ZNF468: variants seen among roughly 807,000 people sequenced by gnomAD.
ZNF468 encodes zinc finger protein 468.
Under a neutral mutation model 7.2 loss-of-function variants are expected in ZNF468, and 8 were observed. The observed-to-expected ratio is 1.11, with a 90% CI of 0.65 to 2.01. The LOEUF is 2.01. ZNF468 is among the 30% of genes most tolerant of loss of function. The pLI is 0.00. For synonymous variants in ZNF468, 218 were observed against 214.4 expected, an observed-to-expected ratio of 1.02 and a Z score of -0.15; for missense variants, 608 against 626.5, an observed-to-expected ratio of 0.97 and a Z score of 0.31.
chr19:52,842,842 GAC>G lies in ZNF468; in HGVS notation c.143-693_143-692del, dbSNP rs2063316107. ...AAAAAAAAAAAAAAAAAAAAAAAAA[GAC>G]ATGGCATGGTGGCTTGTGACTCTAA... On this transcript the variant is annotated intron_variant, in intron 3 of 3. Coordinates refer to ENST00000595646, the MANE Select transcript of ZNF468 (RefSeq NM_001008801.2). Among the ~76,000 whole-genome samples, 62 of 39,820 alleles carry G rather than the reference GAC, an allele frequency of 1.6e-3. 2 individuals are homozygous for G. The highest frequency in any genetic ancestry group is 2.2e-3 in the African/African-American group (22 of 10,156). The allele number at this position is 39,820 out of a possible 152,430, so 26.1% of individuals were successfully genotyped here. A position where few individuals can be genotyped will look rare whatever the true frequency, so the allele number is the denominator to read the frequency against.
chr19:52,849,936 T>G (rs1274042187), intron 2 of ZNF468, among the ~76,000 whole-genome samples: 1 of 144,438 alleles, frequency 6.9e-6, no homozygotes, highest in East Asian at 2.0e-4. Flanking sequence ...ACAAAATTAC[T>G]CAAAGTACAA....
At position 52,841,452 on chromosome 19, in the gene ZNF468, C is replaced by T; in HGVS notation, c.842G>A (p.Gly281Asp). Reference protein sequence around the residue: ...YKCNECGKTFGHNSSLFIHKA... With the variant: ...YKCNECGKTFDHNSSLFIHKA... ...GTGAATGAAGAGGGATGAATTATGACCAAAGGTCTTGCCACACTCATTACA... is the reference window on the plus strand; with the variant it reads ...GTGAATGAAGAGGGATGAATTATGATCAAAGGTCTTGCCACACTCATTACA... Residue 281 changes from glycine to aspartate, a missense_variant, in exon 4 of 4, where the codon GGT becomes GAT. Gly to Asp is a moderately conservative substitution (Grantham distance 94). Coordinates refer to ENST00000595646, the MANE Select transcript of ZNF468 (RefSeq NM_001008801.2). The T allele has an allele frequency of 1.2e-6, 2 of 1,613,958 alleles. No individual in the cohort carries two copies. The highest frequency in any genetic ancestry group is 1.7e-6 in the Non-Finnish European group (2 of 1,179,952).
chr19:52,840,016 T>G lies in ZNF468; in HGVS notation c.*709A>C. 7.6e-7 allele frequency: 1 copy of G among 1,316,214 alleles called. No homozygotes were observed. Among genetic ancestry groups the G allele is most frequent in the East Asian group, 3.4e-5 (1 of 29,424 alleles). The allele number at this position is 1,316,214 out of a possible 1,614,324, so 81.5% of individuals were successfully genotyped here. ...AAGTGGTGACTGCCCACTAAAGGGT[T>G]TGCCACACTCATTGCACTTGTAAGG... On this transcript the variant is annotated 3_prime_UTR_variant, in exon 4 of 4. Coordinates refer to ENST00000595646, the MANE Select transcript of ZNF468 (RefSeq NM_001008801.2).
At chr19:52,855,888 G>C (rs1216041891) in intron 1 of ZNF468, among the ~76,000 whole-genome samples, 1 of 152,266 alleles carries the variant, frequency 6.6e-6, no homozygotes, top group African/African-American at 2.4e-5. Flanking sequence ...CTGGGGCTCA[G>C]AGCTGGAAAC....
At chr19:52,854,125 G>A (rs753449302) in intron 2 of ZNF468, 133 bp downstream of exon 2, 1 of 1,584,786 alleles carries the variant, frequency 6.3e-7, no homozygotes, top group Non-Finnish European at 8.6e-7. Flanking sequence ...AGATGAGAGG[G>A]ACTGAAGGAA....
At position 52,839,409 on chromosome 19, in the gene ZNF468, C is replaced by G. The variant is rs2063275883; in HGVS notation, c.*1316G>C. ...GAGCCATGGCCCCCAGTGCAATCCTCTTAACATAAACAGTTTAATGGCAAT... is the reference window on the plus strand; with the variant it reads ...GAGCCATGGCCCCCAGTGCAATCCTGTTAACATAAACAGTTTAATGGCAAT... On this transcript the variant is annotated 3_prime_UTR_variant, in exon 4 of 4. Transcript: ENST00000595646. The G allele has an allele frequency of 9.1e-6, 3 of 330,104 alleles. No homozygotes were observed. The highest frequency in any genetic ancestry group is 1.8e-5 in the Non-Finnish European group (3 of 166,618). 20.4% of individuals were successfully genotyped at this position (330,104 alleles called of 1,614,324 possible).
At chr19:52,843,289 G>C (rs112356692) in intron 3 of ZNF468, among the ~76,000 whole-genome samples, 15,751 of 151,822 alleles carry the variant, frequency 0.1, 883 homozygotes, top group Admixed American at 0.12. Context: ...GCTGGAATGC[G>C]ATGGCACGAT....
intron 1 of ZNF468, among the ~76,000 whole-genome samples, chr19:52,856,691 ACCTTGCTGT>A (rs763340640): frequency 6.8e-5 from 9 of 132,728 alleles, no homozygotes; most frequent in Non-Finnish European, 1.4e-4. Context: ...CCCTCTCCCT[ACCTTGCTGT>A]CCTTCATCTC....
At position 52,845,719 on chromosome 19, in the gene ZNF468, AAC is replaced by A. The variant is rs2063337123; in HGVS notation, c.142+3366_142+3367del. 2.0e-5 allele frequency among the ~76,000 whole-genome samples: 3 copies of A among 151,896 alleles called. 1 individual carries two copies. The South Asian group carries it at 6.2e-4, about 32-fold the overall frequency. ...GTTCTCCAGTAAAGGTAAATAAAAAAACAGTCTAGGTGTGGTCGTTCATTCCT... is the reference window on the plus strand; with the variant it reads ...GTTCTCCAGTAAAGGTAAATAAAAAAAGTCTAGGTGTGGTCGTTCATTCCT... On this transcript the variant is annotated intron_variant, in intron 3 of 3. Transcript: ENST00000595646.
Position 52,857,552 on chromosome 19 carries a change from C to T in ZNF468, c.-74+20G>A, listed in dbSNP as rs889845146. 4 of 152,452 alleles carry T rather than the reference C, an allele frequency of 2.6e-5. No homozygotes were observed. Among genetic ancestry groups the T allele is most frequent in the Admixed American group, 1.3e-4 (2 of 15,294 alleles). The allele number at this position is 152,452 out of a possible 1,614,324, so 9.4% of individuals were successfully genotyped here. A position where few individuals can be genotyped will look rare whatever the true frequency, so the allele number is the denominator to read the frequency against. ...GGACCTGGGAAGCTCAGACTTAACA[C>T]CACACAGAGCAAAACTCACCGCCCG... is the stretch of plus-strand genomic sequence containing the variant. On this transcript the variant is annotated intron_variant, in intron 1 of 3. Transcript: ENST00000595646.
Position 52,839,785 on chromosome 19 carries a change from T to C in ZNF468, c.*940A>G. The C allele has an allele frequency of 2.0e-6, 1 of 496,430 alleles. No individual in the cohort carries two copies. The highest frequency in any genetic ancestry group is 4.0e-6 in the Non-Finnish European group (1 of 250,532). 30.8% of individuals were successfully genotyped at this position (496,430 alleles called of 1,614,324 possible). ...AAGACCTTGCCTCAATCATGACATT[T>C]ATAAGGTTTCTCTCCAGCATGAGTT... is the stretch of plus-strand genomic sequence containing the variant. On this transcript the variant is annotated 3_prime_UTR_variant, in exon 4 of 4. Transcript: ENST00000595646.
In ZNF468 at chr19:52,847,725, G is replaced by A. The variant is rs562074254; in HGVS notation, c.142+1362C>T. Among the ~76,000 whole-genome samples, 10 of 152,024 alleles carry A rather than the reference G, an allele frequency of 6.6e-5. No individual in the cohort carries two copies. The East Asian group carries it at 7.7e-4, about 12-fold the overall frequency. ...GAAGAGAAACATAAATCTAGCCTAC[G>A]TGCACATCCAGACACAGTACCTTTC... On this transcript the variant is annotated intron_variant, in intron 3 of 3. Coordinates refer to ENST00000595646, the MANE Select transcript of ZNF468 (RefSeq NM_001008801.2).
chr19:52,852,128 G>A (rs1248836840), intron 2 of ZNF468, among the ~76,000 whole-genome samples: 3 of 152,036 alleles, frequency 2.0e-5, no homozygotes, highest in Non-Finnish European at 4.4e-5. Context: ...CACTTTGGGA[G>A]GCTGAGGCAG....
At position 52,840,293 on chromosome 19, in the gene ZNF468, T is replaced by C; in HGVS notation, c.*432A>G. ...TGTCACATTCATTGTGCTTGTAAGG[T>C]TTCTCTCCACTATGAATTACAAGGT... On this transcript the variant is annotated 3_prime_UTR_variant, in exon 4 of 4. Coordinates refer to ENST00000595646, the MANE Select transcript of ZNF468 (RefSeq NM_001008801.2). The C allele has an allele frequency of 2.4e-6, 1 of 412,536 alleles. No individual in the cohort carries two copies. Among genetic ancestry groups the C allele is most frequent in the Non-Finnish European group, 4.7e-6 (1 of 211,700 alleles). The allele number at this position is 412,536 out of a possible 1,614,324, so 25.6% of individuals were successfully genotyped here.
At chr19:52,843,675 T>C (rs937717685) in intron 3 of ZNF468, among the ~76,000 whole-genome samples, 1 of 152,188 alleles carries the variant, frequency 6.6e-6, no homozygotes, top group Non-Finnish European at 1.5e-5. Flanking sequence ...AGTACATTTA[T>C]ACAGACTGAA....
intron 2 of ZNF468, among the ~76,000 whole-genome samples, chr19:52,851,898 G>A (rs985943427): frequency 4.6e-5 from 7 of 152,070 alleles, no homozygotes; most frequent in Admixed American, 1.3e-4. Context: ...AAATATATGT[G>A]TTTGTATATA....
intron 2 of ZNF468, among the ~76,000 whole-genome samples, chr19:52,849,859 C>T (rs968911532): frequency 6.6e-6 from 1 of 151,932 alleles, no homozygotes; most frequent in East Asian, 1.9e-4. Flanking sequence ...GCTGCAATCC[C>T]GCCAGGGCAC....
intron 3 of ZNF468, chr19:52,846,440 T>C (rs1410008792): frequency 2.6e-5 from 4 of 152,160 alleles, no homozygotes; most frequent in Non-Finnish European, 5.9e-5. Flanking sequence ...CCTCAGGTGA[T>C]CTGCTCAACT....
chr19:52,849,459 T>C, intron 2 of ZNF468: 1 of 831,446 alleles, frequency 1.2e-6, no homozygotes, highest in Non-Finnish European at 1.7e-6. Flanking sequence ...AATAAACAAA[T>C]AAAAAATCAA....
Sources: allele counts gnomAD v4.1 joint callset (sites outside exome capture counted in the v4.1 genomes callset), GRCh38; gene constraint gnomAD v4.1.1; transcripts MANE v1.5; gene names NCBI Gene and HGNC (gene_info 2026-07-23, HGNC 2026-07-21).